The following ANKS1B variants were observed in gnomAD, a reference collection of about 807,000 sequenced individuals.
The protein encoded by ANKS1B is ankyrin repeat and sterile alpha motif domain-containing protein 1B.
A neutral mutation model predicts 148.3 loss-of-function variants in ANKS1B; 36 were observed. The ratio of observed to expected loss-of-function variants is 0.24; its 90% CI spans 0.19 to 0.32. The LOEUF (loss-of-function observed/expected upper bound fraction) is 0.32. Among genes scored for constraint, ANKS1B ranks in the 10% least tolerant of loss-of-function variants. The pLI is 1.00. For synonymous variants in ANKS1B, 542 were observed against 560.8 expected, an observed-to-expected ratio of 0.97 and a Z score of 0.47; for missense variants, 1,157 against 1,542.6, an observed-to-expected ratio of 0.75 and a Z score of 4.19.
intron 10 of ANKS1B, among the ~76,000 whole-genome samples, chr12:99,494,109 C>A (rs11109866): frequency 0.037 from 5,683 of 152,178 alleles, 366 homozygotes; most frequent in African/African-American, 0.13. Context: ...AAGAAAGGGT[C>A]TCCAGATGGA....
chr12:99,136,690 AG>A (rs1413720938), intron 15 of ANKS1B, among the ~76,000 whole-genome samples: 10 of 152,220 alleles, frequency 6.6e-5, no homozygotes, highest in Non-Finnish European at 1.3e-4. Flanking sequence ...AACCACCAGA[AG>A]GACTAAGCAC....
intron 9 of ANKS1B, chr12:99,648,635 C>T (rs1005968545): frequency 3.1e-6 from 5 of 1,614,102 alleles, no homozygotes; most frequent in African/African-American, 1.3e-5. Flanking sequence ...CAGCTGTGTC[C>T]TCCATCGGAT....
Position 99,775,531 on chromosome 12 carries a change from T to TA in ANKS1B, c.961+16dup. On this transcript the variant is annotated intron_variant, in intron 7 of 26. Coordinates refer to ENST00000683438, the MANE Select transcript of ANKS1B (RefSeq NM_001352186.2). ...AAGTCTAGTATAGATTCCAGGGCTT[T>TA]ATAATTAGGTACTCACTTTTGGTCT... 6.4e-7 allele frequency: 1 copy of TA among 1,566,088 alleles called. No individual in the cohort carries two copies. Among genetic ancestry groups the TA allele is most frequent in the African/African-American group, 1.4e-5 (1 of 74,028 alleles).
chr12:99,687,313 G>A (rs2098655263), intron 8 of ANKS1B, among the ~76,000 whole-genome samples: 1 of 152,024 alleles, frequency 6.6e-6, no homozygotes, highest in South Asian at 2.1e-4. Context: ...ATGACTCAAT[G>A]TGGCTCCTTT....
intron 1 of ANKS1B, among the ~76,000 whole-genome samples, chr12:99,929,436 A>G (rs1360660036): frequency 1.3e-5 from 2 of 152,100 alleles, no homozygotes; most frequent in East Asian, 3.9e-4. Context: ...ATTTTCTCCC[A>G]TTCTGTAGGT....
At chr12:99,080,195 C>T (rs566244149) in intron 16 of ANKS1B, among the ~76,000 whole-genome samples, 80 of 151,906 alleles carry the variant, frequency 5.3e-4, no homozygotes, top group Middle Eastern at 3.4e-3. Context: ...AGTGTTTGGC[C>T]GCAATTGTGT....
intron 9 of ANKS1B, among the ~76,000 whole-genome samples, chr12:99,505,645 T>C (rs934209969): frequency 6.8e-6 from 1 of 146,894 alleles, no homozygotes; most frequent in Non-Finnish European, 1.5e-5. Context: ...TATATATATG[T>C]ATATATATAT....
At chr12:99,323,988 G>T (rs1037160050) in intron 12 of ANKS1B, among the ~76,000 whole-genome samples, 1 of 152,034 alleles carries the variant, frequency 6.6e-6, no homozygotes, top group Non-Finnish European at 1.5e-5. Context: ...GCACCAGTAT[G>T]ATTTTGCAAT....
chr12:99,246,452 A>C lies in ANKS1B; in HGVS notation c.2169T>G (p.Pro723=). The C allele has an allele frequency of 6.2e-7, 1 of 1,613,902 alleles. No homozygotes were observed. Among genetic ancestry groups the C allele is most frequent in the Non-Finnish European group, 8.5e-7 (1 of 1,179,864 alleles). Reference sequence around the variant, plus strand: ...ACAAATGCATGTCGATCAAGGCTTTAGGCAATGACCTTATTCTCCCCAGAG... The same window carrying C: ...ACAAATGCATGTCGATCAAGGCTTTCGGCAATGACCTTATTCTCCCCAGAG... ...ACTLGRIRSL[P]KALIDMHLSK... The change falls in exon 13 of 27, where the codon CCT becomes CCG. Residue 723 remains proline (P), a synonymous_variant. Transcript: ENST00000683438.
At chr12:99,753,456 G>T (rs113501182) in intron 8 of ANKS1B, among the ~76,000 whole-genome samples, 1,725 of 152,138 alleles carry the variant, frequency 0.011, 14 homozygotes, top group Middle Eastern at 0.024. Context: ...AAGAGGAAGG[G>T]GCCACGATAA....
intron 17 of ANKS1B, among the ~76,000 whole-genome samples, chr12:98,909,506 A>AT (rs2099783850): frequency 6.6e-6 from 1 of 152,230 alleles, no homozygotes; most frequent in Non-Finnish European, 1.5e-5. Context: ...TTAGCAGACT[A>AT]TCTAGAGTTC....
chr12:99,612,759 T>C (rs953608724), intron 9 of ANKS1B, among the ~76,000 whole-genome samples: 1 of 152,146 alleles, frequency 6.6e-6, no homozygotes, highest in African/African-American at 2.4e-5. Flanking sequence ...ACCAGCTGTG[T>C]TCCACCTGAA....
intron 17 of ANKS1B, among the ~76,000 whole-genome samples, chr12:98,972,361 G>A (rs955850789): frequency 1.3e-5 from 2 of 152,132 alleles, no homozygotes; most frequent in African/African-American, 4.8e-5. Context: ...GGAGAATGAA[G>A]GATTTATCTG....
intron 22 of ANKS1B, among the ~76,000 whole-genome samples, chr12:98,798,238 C>A (rs1447810549): frequency 6.6e-6 from 1 of 151,808 alleles, no homozygotes; most frequent in Non-Finnish European, 1.5e-5. Context: ...TCTCCTGCCT[C>A]AGCCTCCCAA....
At chr12:98,968,884 T>C (rs766415544) in intron 17 of ANKS1B, among the ~76,000 whole-genome samples, 19 of 152,196 alleles carry the variant, frequency 1.2e-4, no homozygotes, top group Non-Finnish European at 7.3e-5. Flanking sequence ...TACTTTTCCC[T>C]TTTATTTCAT....
intron 8 of ANKS1B, among the ~76,000 whole-genome samples, chr12:99,666,479 T>C (rs1033051853): frequency 1.3e-5 from 2 of 152,202 alleles, no homozygotes; most frequent in Non-Finnish European, 2.9e-5. Context: ...AATATTTTTA[T>C]AGTCTTCAGT....
chr12:99,685,348 G>A (rs2098643387), intron 8 of ANKS1B, among the ~76,000 whole-genome samples: 1 of 152,122 alleles, frequency 6.6e-6, no homozygotes, highest in Admixed American at 6.5e-5. Context: ...CATCACTAAT[G>A]ATCAGGGAAA....
intron 10 of ANKS1B, among the ~76,000 whole-genome samples, chr12:99,468,871 A>T (rs1261651048): frequency 6.6e-6 from 1 of 152,276 alleles, no homozygotes; most frequent in South Asian, 2.1e-4. Flanking sequence ...CCATTGTGGA[A>T]GTCAGTGTGG....
chr12:98,929,400 C>T (rs960038175), intron 17 of ANKS1B, among the ~76,000 whole-genome samples: 1 of 151,940 alleles, frequency 6.6e-6, no homozygotes, highest in African/African-American at 2.4e-5. Context: ...ATCTCAGCTG[C>T]CTTATTTGTA....
Sources: gnomAD v4.1 joint callset for allele counts (sites outside exome capture counted in the v4.1 genomes callset) on GRCh38, gnomAD v4.1.1 for gene constraint, MANE v1.5 for transcripts, NCBI Gene and HGNC (gene_info 2026-07-23, HGNC 2026-07-21) for gene names.